IGF2BP1: variants seen among roughly 807,000 people sequenced by gnomAD.
IGF2BP1 encodes insulin like growth factor 2 mRNA binding protein 1, also known as insulin-like growth factor 2 mRNA-binding protein 1.
A neutral mutation model predicts 74.9 loss-of-function variants in IGF2BP1; 11 were observed. The observed-to-expected ratio is 0.15, with a 90% confidence interval of 0.09 to 0.24. IGF2BP1 has a LOEUF of 0.24. IGF2BP1 is among the 10% of genes least tolerant of loss of function. The pLI is 1.00. For synonymous variants in IGF2BP1, 287 were observed against 281.8 expected (o/e 1.02, Z -0.18); for missense variants, 440 against 757.4 (o/e 0.58, Z 4.92).
At chr17:48,996,967 TTGTC>T (rs1164124546), upstream of IGF2BP1, among the ~76,000 whole-genome samples, 1 of 152,130 alleles carries the variant, frequency 6.6e-6, no homozygotes, top group African/African-American at 2.4e-5. Context: ...CGGCTTCTCT[TTGTC>T]TGTCTCGGCC....
chr17:49,009,456 T>C (rs1394862429), intron 2 of IGF2BP1, among the ~76,000 whole-genome samples: 12 of 151,442 alleles, frequency 7.9e-5, no homozygotes, highest in Admixed American at 7.9e-4. Context: ...ATGCCTGTAA[T>C]CCCAGCACTT....
chr17:49,000,080 C>T (rs1479763610), intron 2 of IGF2BP1, among the ~76,000 whole-genome samples: 2 of 151,926 alleles, frequency 1.3e-5, no homozygotes, highest in African/African-American at 4.8e-5. Context: ...GAAACCTTTC[C>T]TTGAACTCTG....
At position 49,020,749 on chromosome 17, in the gene IGF2BP1, T is replaced by A. The variant is rs200745954; in HGVS notation, c.237-4869T>A. On this transcript the variant is annotated intron_variant, in intron 2 of 14. Coordinates refer to ENST00000290341, the MANE Select transcript of IGF2BP1 (RefSeq NM_006546.4). ...ACCTATAATTCTTTAAGCTATTAACTTCTTCTTCCAGCAGCGTATTTCCAT... is the reference window on the plus strand; with the variant it reads ...ACCTATAATTCTTTAAGCTATTAACATCTTCTTCCAGCAGCGTATTTCCAT... Among the ~76,000 whole-genome samples, 10 of 152,226 alleles carry A rather than the reference T, an allele frequency of 6.6e-5. No homozygotes were observed. The East Asian group carries it at 1.9e-3, about 29-fold the overall frequency.
Position 49,049,420 on chromosome 17 carries a change from C to T in IGF2BP1, c.1710C>T (p.Asn570=). Residue 570 remains asparagine, a synonymous_variant, in exon 15 of 15, where the codon AAC becomes AAT. Coordinates refer to ENST00000290341, the MANE Select transcript of IGF2BP1 (RefSeq NM_006546.4). Reference sequence around the variant, plus strand: ...AGCAGCATCAGAAGGGACAGAGTAACCAGGCCCAGGCACGGAGGAAGTGAC... The same window carrying T: ...AGCAGCATCAGAAGGGACAGAGTAATCAGGCCCAGGCACGGAGGAAGTGAC... The part of the protein sequence containing the change: ...VKQQHQKGQS[N]QAQARRK The T allele has an allele frequency of 2.5e-6, 4 of 1,613,094 alleles. No homozygotes were observed. Among genetic ancestry groups the T allele is most frequent in the Non-Finnish European group, 3.4e-6 (4 of 1,179,314 alleles).
At chr17:49,046,750 A>ATAGT (rs2042112353) in intron 14 of IGF2BP1, among the ~76,000 whole-genome samples, 2 of 152,046 alleles carry the variant, frequency 1.3e-5, no homozygotes, top group Non-Finnish European at 2.9e-5. Context: ...TGTTCATGGA[A>ATAGT]TAATGATAAC....
chr17:48,999,199 G>T (rs768520773), intron 2 of IGF2BP1, 30 bp downstream of exon 2: 1 of 606,202 alleles, frequency 1.6e-6, no homozygotes, highest in East Asian at 4.3e-5. Flanking sequence ...GGGGGGGGTG[G>T]GGGGGCCGCG....
rs2042022646 is a variant in IGF2BP1, at chr17:49,039,260, T to C, written c.684-697T>C. ...GTCCTTATCATAGTAAATCTTGTTATTTACTTTGAGTTTGGGGCACTGTGT... is the reference window on the plus strand; with the variant it reads ...GTCCTTATCATAGTAAATCTTGTTACTTACTTTGAGTTTGGGGCACTGTGT... On this transcript the variant is annotated intron_variant, in intron 6 of 14. Coordinates refer to ENST00000290341, the MANE Select transcript of IGF2BP1 (RefSeq NM_006546.4). Among the ~76,000 whole-genome samples, 3 of 152,080 alleles carry C rather than the reference T, an allele frequency of 2.0e-5. No homozygotes were observed. In the South Asian group the frequency reaches 6.2e-4, roughly 31 times the overall value.
At chr17:49,037,961 T>C (rs1381260660) in intron 5 of IGF2BP1, among the ~76,000 whole-genome samples, 1 of 152,256 alleles carries the variant, frequency 6.6e-6, no homozygotes, top group Admixed American at 6.5e-5. Flanking sequence ...TAGGGAACAC[T>C]GTATTTATTT....
intron 8 of IGF2BP1, 69 bp from the exon 9 acceptor site, chr17:49,042,173 G>A (rs2042059511): frequency 1.2e-5 from 20 of 1,602,326 alleles, no homozygotes; most frequent in South Asian, 4.5e-5. Context: ...CTGGCCTCTC[G>A]TCTTTGTTAC....
intron 7 of IGF2BP1, among the ~76,000 whole-genome samples, chr17:49,040,505 C>G (rs2042038616): frequency 6.6e-6 from 1 of 152,250 alleles, no homozygotes; most frequent in Admixed American, 6.5e-5. Context: ...GCGTGTGCCA[C>G]CACACCCCAT....
chr17:49,001,833 TAGG>T (rs1043228633), intron 2 of IGF2BP1, among the ~76,000 whole-genome samples: 5 of 152,116 alleles, frequency 3.3e-5, no homozygotes, highest in African/African-American at 1.2e-4. Flanking sequence ...CTGAGAGACT[TAGG>T]AGTAGTTGAG....
chr17:49,033,671 G>A (rs1053657041), intron 5 of IGF2BP1, among the ~76,000 whole-genome samples: 4 of 152,008 alleles, frequency 2.6e-5, no homozygotes, highest in Admixed American at 2.0e-4. Context: ...ACCAGTGTCA[G>A]CCTTGGGAAT....
Sources: gnomAD v4.1 joint callset for allele counts (sites outside exome capture counted in the v4.1 genomes callset) on GRCh38, gnomAD v4.1.1 for gene constraint, MANE v1.5 for transcripts, NCBI Gene and HGNC (gene_info 2026-07-23, HGNC 2026-07-21) for gene names.